Variants in TMEFF2 observed in about 807,000 individuals in gnomAD.
TMEFF2 encodes the protein tomoregulin-2.
TMEFF2 carries 28 observed loss-of-function variants against 53.8 expected under a neutral mutation model. That is an observed-to-expected ratio of 0.52 (90% CI 0.39 to 0.71). The LOEUF (loss-of-function observed/expected upper bound fraction) is 0.71, where lower values mean the gene tolerates loss of function less well. Ranked by LOEUF, TMEFF2 falls within the 30% of genes least tolerant of loss-of-function variation. The probability of loss-of-function intolerance (pLI) is 0.00; values close to 1 mark genes in which losing one functional copy is unlikely to be tolerated. For synonymous variants in TMEFF2, 162 were observed against 166.3 expected (o/e 0.97, Z 0.20); for missense variants, 353 against 455.2 (o/e 0.78, Z 2.04).
intron 3 of TMEFF2, among the ~76,000 whole-genome samples, chr2:192,181,609 A>G (rs940987151): frequency 2.0e-5 from 3 of 151,778 alleles, no homozygotes; most frequent in Non-Finnish European, 4.4e-5. Flanking sequence ...GCACAGTAGC[A>G]TATATTAAAT....
rs1034136574 is a variant in TMEFF2, at chr2:192,179,771, T to G, written c.413-77A>C. The stretch of plus-strand genomic sequence containing the variant: ...TGACTTTTTAAGCTCAAGTTTATTT[T>G]CTTAGTTTAATACTGCAATAATATT... On this transcript the variant is annotated intron_variant, in intron 3 of 9. Transcript: ENST00000272771. 73 of 1,371,874 alleles carry G rather than the reference T, an allele frequency of 5.3e-5. No individual in the cohort carries two copies. In the African/African-American group the frequency reaches 1.0e-3, roughly 19 times the overall value. 85.0% of individuals were successfully genotyped at this position (1,371,874 alleles called of 1,614,324 possible). A position where few individuals can be genotyped will look rare whatever the true frequency, so the allele number is the denominator to read the frequency against.
chr2:192,191,870 G>A lies in TMEFF2; in HGVS notation c.282+10C>T. 7 of 1,570,908 alleles carry A rather than the reference G, an allele frequency of 4.5e-6. No homozygotes were observed. Among genetic ancestry groups the A allele is most frequent in the Non-Finnish European group, 6.1e-6 (7 of 1,141,620 alleles). On this transcript the variant is annotated intron_variant, in intron 2 of 9. Coordinates refer to ENST00000272771, the MANE Select transcript of TMEFF2 (RefSeq NM_016192.4). ...AATGAATTAGAAGATGCAAATATAA[G>A]ACTTCTTACCTTGAACTGACAGACG...
chr2:192,106,178 G>A (rs1689139872), intron 4 of TMEFF2, among the ~76,000 whole-genome samples: 1 of 151,424 alleles, frequency 6.6e-6, no homozygotes, highest in African/African-American at 2.4e-5. Flanking sequence ...GGAATGCTAG[G>A]CATTCATTAA....
intron 7 of TMEFF2, among the ~76,000 whole-genome samples, chr2:191,956,785 G>A (rs184511860): frequency 4.9e-4 from 74 of 152,136 alleles, no homozygotes; most frequent in East Asian, 3.7e-3. Flanking sequence ...TGATACTTTC[G>A]CAATACGAAA....
chr2:192,076,509 AC>A (rs1404781247), intron 4 of TMEFF2, among the ~76,000 whole-genome samples: 1 of 152,188 alleles, frequency 6.6e-6, no homozygotes, highest in Non-Finnish European at 1.5e-5. Context: ...ACCAACACTT[AC>A]TAAACACGTA....
chr2:192,069,730 C>T (rs1267179306), intron 4 of TMEFF2, among the ~76,000 whole-genome samples: 1 of 151,558 alleles, frequency 6.6e-6, no homozygotes, highest in Non-Finnish European at 1.5e-5. Flanking sequence ...GCCATTAGAT[C>T]ACCAAGGTTA....
intron 4 of TMEFF2, among the ~76,000 whole-genome samples, chr2:192,079,978 G>A (rs576511116): frequency 5.3e-5 from 8 of 152,116 alleles, no homozygotes; most frequent in South Asian, 4.2e-4. Context: ...AAAAGTATGC[G>A]GTGATAGAAT....
chr2:192,157,833 A>G (rs12466752), intron 4 of TMEFF2, among the ~76,000 whole-genome samples: 41,602 of 151,940 alleles, frequency 0.27, 7,057 homozygotes, highest in Non-Finnish European at 0.36. Context: ...CATCACCTGC[A>G]CCCTTTCTCT....
chr2:192,172,196 C>T (rs925948942), intron 4 of TMEFF2, among the ~76,000 whole-genome samples: 3 of 126,092 alleles, frequency 2.4e-5, no homozygotes, highest in East Asian at 2.5e-4. Flanking sequence ...ATATGGGCCA[C>T]GCTGTGTAGC....
chr2:192,079,209 A>G (rs570599270), intron 4 of TMEFF2, among the ~76,000 whole-genome samples: 1 of 152,340 alleles, frequency 6.6e-6, no homozygotes, highest in East Asian at 1.9e-4. Flanking sequence ...TGAGACTTCT[A>G]TAATAAGCAA....
At chr2:192,075,689 C>G (rs1688416832) in intron 4 of TMEFF2, among the ~76,000 whole-genome samples, 2 of 151,808 alleles carry the variant, frequency 1.3e-5, no homozygotes, top group South Asian at 2.1e-4. Context: ...TAAATAGAAG[C>G]CTTCAGCCTC....
At chr2:192,151,538 C>T (rs1318653872) in intron 4 of TMEFF2, among the ~76,000 whole-genome samples, 1 of 151,706 alleles carries the variant, frequency 6.6e-6, no homozygotes, top group Non-Finnish European at 1.5e-5. Context: ...GACGAGTTTG[C>T]TTTTGTTTGT....
chr2:192,087,101 T>A (rs987593689), intron 4 of TMEFF2, among the ~76,000 whole-genome samples: 16 of 151,400 alleles, frequency 1.1e-4, no homozygotes, highest in Non-Finnish European at 1.5e-4. Flanking sequence ...AATATACTTA[T>A]TTATACCCTA....
chr2:192,132,090 T>C (rs1393610190), intron 4 of TMEFF2, among the ~76,000 whole-genome samples: 1 of 152,000 alleles, frequency 6.6e-6, no homozygotes, highest in African/African-American at 2.4e-5. Flanking sequence ...TACAGACCCA[T>C]CTGACCTCTC....
chr2:192,038,340 C>T (rs991476138), intron 5 of TMEFF2, among the ~76,000 whole-genome samples: 8 of 152,104 alleles, frequency 5.3e-5, no homozygotes, highest in African/African-American at 1.4e-4. Context: ...ACTAATAGTA[C>T]ATAACTTGTA....
At chr2:192,166,111 T>C (rs1189376685) in intron 4 of TMEFF2, among the ~76,000 whole-genome samples, 1 of 152,164 alleles carries the variant, frequency 6.6e-6, no homozygotes, top group Non-Finnish European at 1.5e-5. Flanking sequence ...CAGATGAAAC[T>C]TTTAACTGTT....
At chr2:192,180,344 A>G (rs148627502) in intron 3 of TMEFF2, among the ~76,000 whole-genome samples, 1 of 151,430 alleles carries the variant, frequency 6.6e-6, no homozygotes, top group East Asian at 2.0e-4. Flanking sequence ...TTCTTTCACC[A>G]CTTCTTCTCT....
chr2:192,129,607 T>C (rs1689763735), intron 4 of TMEFF2, among the ~76,000 whole-genome samples: 1 of 152,138 alleles, frequency 6.6e-6, no homozygotes, highest in Non-Finnish European at 1.5e-5. Flanking sequence ...AATATGAAAA[T>C]AGTGCAGCAT....
rs76098814 is a variant in TMEFF2, at chr2:192,122,916, T to C, written c.439+56752A>G. On this transcript the variant is annotated intron_variant, in intron 4 of 9. Coordinates refer to ENST00000272771, the MANE Select transcript of TMEFF2 (RefSeq NM_016192.4). The stretch of plus-strand genomic sequence containing the variant: ...ATCAGATTTGAACCAGAAATGCAAT[T>C]AGGAAGCATATATTAAGATGTATTT... 4.0e-3 allele frequency among the ~76,000 whole-genome samples: 613 copies of C among 152,130 alleles called. 1 individual carries two copies. The highest frequency in any genetic ancestry group is 0.024 in the East Asian group (122 of 5,172).
Sources: gnomAD v4.1 joint callset for allele counts (sites outside exome capture counted in the v4.1 genomes callset) on GRCh38, gnomAD v4.1.1 for gene constraint, MANE v1.5 for transcripts, NCBI Gene and HGNC (gene_info 2026-07-23, HGNC 2026-07-21) for gene names.